The following RBMS3 variants were observed in gnomAD, a reference collection of about 807,000 sequenced individuals.
RBMS3 encodes RNA-binding motif, single-stranded-interacting protein 3.
RBMS3 carries 27 observed loss-of-function variants against 66.8 expected under a neutral mutation model. The ratio of observed to expected loss-of-function variants is 0.40; its 90% CI spans 0.30 to 0.56. The LOEUF (loss-of-function observed/expected upper bound fraction) is 0.56, where lower values mean the gene tolerates loss of function less well. Among genes scored for constraint, RBMS3 ranks in the 20% least tolerant of loss-of-function variants. RBMS3 has a pLI of 0.40. For missense variants in RBMS3, 513 were observed against 549.5 expected, an observed-to-expected ratio of 0.93 and a Z score of 0.66; for synonymous variants, 188 against 183.0, an observed-to-expected ratio of 1.03 and a Z score of -0.22.
chr3:29,502,665 T>A (rs1021955772), intron 3 of RBMS3, among the ~76,000 whole-genome samples: 3 of 152,132 alleles, frequency 2.0e-5, no homozygotes, highest in Non-Finnish European at 2.9e-5. Context: ...CCATTTAAAA[T>A]CATTTTCCTT....
At chr3:29,927,707 GGT>G (rs1269329638) in intron 10 of RBMS3, among the ~76,000 whole-genome samples, 1 of 152,158 alleles carries the variant, frequency 6.6e-6, no homozygotes, top group Non-Finnish European at 1.5e-5. Flanking sequence ...AATACAGTGT[GGT>G]GGAAAGAGAG....
intron 10 of RBMS3, among the ~76,000 whole-genome samples, chr3:29,915,772 C>T (rs2060624384): frequency 1.3e-5 from 2 of 151,964 alleles, no homozygotes; most frequent in South Asian, 2.1e-4. Context: ...TAATTACTGA[C>T]ATCTGAACCA....
intron 1 of RBMS3, among the ~76,000 whole-genome samples, chr3:29,385,663 C>G (rs1057035013): frequency 5.3e-5 from 8 of 152,130 alleles, no homozygotes; most frequent in African/African-American, 1.9e-4. Context: ...ACTGACCTTG[C>G]CATATTCTTG....
At chr3:29,473,485 A>G (rs2042822893) in intron 2 of RBMS3, among the ~76,000 whole-genome samples, 1 of 152,232 alleles carries the variant, frequency 6.6e-6, no homozygotes, top group South Asian at 2.1e-4. Flanking sequence ...GCTGCCTGCC[A>G]GTCCCGCGCC....
intron 2 of RBMS3, among the ~76,000 whole-genome samples, chr3:29,467,849 C>T (rs1427169249): frequency 6.6e-6 from 1 of 152,050 alleles, no homozygotes; most frequent in South Asian, 2.1e-4. Flanking sequence ...GTATTAGTAT[C>T]AGTGAATACA....
At chr3:29,309,794 G>C (rs963502737) in intron 1 of RBMS3, among the ~76,000 whole-genome samples, 1 of 151,676 alleles carries the variant, frequency 6.6e-6, no homozygotes, top group Non-Finnish European at 1.5e-5. Context: ...TTAATAATTT[G>C]AGGTCATTGT....
chr3:29,710,472 T>G (rs1576586941), intron 4 of RBMS3, among the ~76,000 whole-genome samples: 1 of 152,264 alleles, frequency 6.6e-6, no homozygotes, highest in East Asian at 1.9e-4. Context: ...GCTTGAAAAT[T>G]TAAGTAATTT....
At chr3:29,364,860 C>T (rs191499169) in intron 1 of RBMS3, among the ~76,000 whole-genome samples, 6 of 152,146 alleles carry the variant, frequency 3.9e-5, no homozygotes, top group Admixed American at 2.6e-4. Flanking sequence ...TTATTGTCGA[C>T]CAATTGCTTC....
rs2052154121 is a variant in RBMS3 at position 29,693,978 on chromosome 3, C to A, written c.400-45742C>A. 5.9e-5 allele frequency among the ~76,000 whole-genome samples: 9 copies of A among 152,282 alleles called. No individual in the cohort carries two copies. The South Asian group carries it at 1.9e-3, about 32-fold the overall frequency. On this transcript the variant is annotated intron_variant, in intron 4 of 14. Transcript: ENST00000383767. ...CATGATCAGTGTTTGAGTTTTAAAG[C>A]AATAGTTGAATCAAGTTGCTTCACA...
intron 4 of RBMS3, among the ~76,000 whole-genome samples, chr3:29,593,471 A>G (rs1026731383): frequency 2.0e-5 from 3 of 152,146 alleles, no homozygotes; most frequent in Admixed American, 1.3e-4. Flanking sequence ...GCATTGTTCC[A>G]GGGTAACTTG....
intron 3 of RBMS3, among the ~76,000 whole-genome samples, chr3:29,562,762 C>G (rs558465579): frequency 8.5e-5 from 13 of 152,270 alleles, no homozygotes; most frequent in African/African-American, 3.1e-4. Context: ...CCCAGCCTAG[C>G]TATATCCTGC....
chr3:29,294,578 A>G (rs1242171012), intron 1 of RBMS3, among the ~76,000 whole-genome samples: 2 of 151,844 alleles, frequency 1.3e-5, no homozygotes, highest in Admixed American at 6.6e-5. Flanking sequence ...GGATGAAAGT[A>G]AGCAAATATG....
intron 2 of RBMS3, among the ~76,000 whole-genome samples, chr3:29,480,717 C>G (rs1477177808): frequency 6.6e-6 from 1 of 152,122 alleles, no homozygotes; most frequent in African/African-American, 2.4e-5. Flanking sequence ...CAAGAAAAGT[C>G]TGGCAGTAAA....
At chr3:29,985,140 G>T (rs1698289188) in intron 12 of RBMS3, among the ~76,000 whole-genome samples, 1 of 152,166 alleles carries the variant, frequency 6.6e-6, no homozygotes, top group Non-Finnish European at 1.5e-5. Context: ...TAGTGGCTTT[G>T]CCACCCAGTT....
chr3:29,369,856 C>G (rs978867484), intron 1 of RBMS3, among the ~76,000 whole-genome samples: 2 of 151,750 alleles, frequency 1.3e-5, no homozygotes, highest in Non-Finnish European at 2.9e-5. Flanking sequence ...CCAATTCTAC[C>G]CCGATTTACA....
rs10682087 is a variant in RBMS3 at position 29,931,631 on chromosome 3, T to TCAAAACAAAACAAAA, written c.940-4442_940-4428dup. ...GCCTTTCTTAAACCCTGAACCCTCA[T>TCAAAACAAAACAAAA]CAAAACAAAACAAAACAAAACAAAA... On this transcript the variant is annotated intron_variant, in intron 10 of 14. Transcript: ENST00000383767. 2.3e-3 allele frequency among the ~76,000 whole-genome samples: 343 copies of TCAAAACAAAACAAAA among 150,474 alleles called. 3 individuals are homozygous for TCAAAACAAAACAAAA. The highest frequency in any genetic ancestry group is 8.2e-3 in the African/African-American group (336 of 40,966).
In RBMS3 at chr3:29,991,085, G is replaced by T. The variant is rs1698844006; in HGVS notation, c.1183G>T (p.Val395Phe). ...VPPTAVSIEG[V>F]VADTSPQTVA... is the part of the protein sequence containing the mutation. ...ATGTTCTTATTTGCCTCCTTAGGGT[G>T]TTGTTGCTGATACCTCTCCCCAGAC... is the stretch of plus-strand genomic sequence containing the variant. The change falls in exon 14 of 15, where the codon GTT becomes TTT. Residue 395 changes from valine to phenylalanine, a missense_variant. Physicochemically the swap from Val to Phe is conservative, Grantham distance 50. Coordinates refer to ENST00000383767, the MANE Select transcript of RBMS3 (RefSeq NM_001003793.3). The T allele has an allele frequency of 6.2e-7, 1 of 1,614,104 alleles. No individual in the cohort carries two copies. Among genetic ancestry groups the T allele is most frequent in the Admixed American group, 1.7e-5 (1 of 60,014 alleles).
chr3:29,924,247 C>T (rs928365094), intron 10 of RBMS3, among the ~76,000 whole-genome samples: 1 of 152,168 alleles, frequency 6.6e-6, no homozygotes, highest in African/African-American at 2.4e-5. Context: ...TGTCACATTC[C>T]TTGCTCATTT....
chr3:29,628,734 CTT>C lies in RBMS3; in HGVS notation c.399+41530_399+41531del, dbSNP rs569664191. On this transcript the variant is annotated intron_variant, in intron 4 of 14. Coordinates refer to ENST00000383767, the MANE Select transcript of RBMS3 (RefSeq NM_001003793.3). ...ACGCTGACAGCACACTGTTTCATAA[CTT>C]AAGATATTTTCATATAGTTCCTTTA... 2.7e-3 allele frequency among the ~76,000 whole-genome samples: 412 copies of C among 152,184 alleles called. 20 individuals carry two copies. The South Asian group carries it at 0.072, about 27-fold the overall frequency.
Sources: allele counts gnomAD v4.1 joint callset (sites outside exome capture counted in the v4.1 genomes callset), GRCh38; gene constraint gnomAD v4.1.1; transcripts MANE v1.5; gene names NCBI Gene and HGNC (gene_info 2026-07-23, HGNC 2026-07-21).